FAM76B: variants seen among roughly 807,000 people sequenced by gnomAD.
FAM76B encodes protein FAM76B.
A neutral mutation model predicts 51.8 loss-of-function variants in FAM76B; 16 were observed. The observed-to-expected ratio is 0.31, with a 90% CI of 0.21 to 0.47. FAM76B has a LOEUF of 0.47. Ranked by LOEUF, FAM76B falls within the 20% of genes least tolerant of loss-of-function variation. The pLI is 1.00. For synonymous variants in FAM76B, 166 were observed against 129.5 expected (o/e 1.28, Z -1.91); for missense variants, 342 against 392.6 (o/e 0.87, Z 1.09).
At chr11:95,771,986 T>TAA (rs1859786887) in intron 9 of FAM76B, among the ~76,000 whole-genome samples, 2 of 151,136 alleles carry the variant, frequency 1.3e-5, no homozygotes, top group African/African-American at 4.8e-5. Flanking sequence ...CCCTTCATCT[T>TAA]AAAAACATGA....
chr11:95,780,678 C>A (rs775274733), intron 5 of FAM76B, among the ~76,000 whole-genome samples: 3 of 151,918 alleles, frequency 2.0e-5, no homozygotes, highest in Non-Finnish European at 4.4e-5. Context: ...GAGAGCATCT[C>A]CTATGAACCA....
intron 4 of FAM76B, among the ~76,000 whole-genome samples, chr11:95,784,948 A>G (rs937353608): frequency 2.0e-5 from 3 of 152,168 alleles, no homozygotes; most frequent in Non-Finnish European, 2.9e-5. Flanking sequence ...ATAAGGTTAT[A>G]TATTGATCAA....
Position 95,789,374 on chromosome 11 carries a change from C to T in FAM76B, c.87+18G>A. ...GGCCGAGGACACCCATCCCGCCCGCCTCCCGGAGCCCACGGACCTTGCAGA... is the reference window on the plus strand; with the variant it reads ...GGCCGAGGACACCCATCCCGCCCGCTTCCCGGAGCCCACGGACCTTGCAGA... On this transcript the variant is annotated intron_variant, in intron 1 of 9. Transcript: ENST00000358780. The T allele has an allele frequency of 6.3e-7, 1 of 1,581,286 alleles. No homozygotes were observed. The highest frequency in any genetic ancestry group is 8.6e-7 in the Non-Finnish European group (1 of 1,164,366).
At chr11:95,774,257 T>C (rs1859899677) in intron 9 of FAM76B, among the ~76,000 whole-genome samples, 1 of 151,378 alleles carries the variant, frequency 6.6e-6, no homozygotes, top group Non-Finnish European at 1.5e-5. Context: ...CTCTGTAAAA[T>C]GGGCATATCA....
intron 9 of FAM76B, among the ~76,000 whole-genome samples, chr11:95,772,426 T>A (rs1859808430): frequency 6.6e-6 from 1 of 151,260 alleles, no homozygotes; most frequent in Admixed American, 6.6e-5. Context: ...GTACAGTGAA[T>A]ATTTTCACAT....
At chr11:95,786,073 A>C (rs747669807) in intron 4 of FAM76B, 46 bp downstream of exon 4, 5 of 1,576,092 alleles carry the variant, frequency 3.2e-6, no homozygotes, top group Non-Finnish European at 4.3e-6. Context: ...CTTGTTTGGC[A>C]TTTTATTTAA....
intron 8 of FAM76B, among the ~76,000 whole-genome samples, chr11:95,778,346 A>G (rs1565288071): frequency 6.6e-6 from 1 of 151,462 alleles, no homozygotes; most frequent in Admixed American, 6.6e-5. Context: ...GCTTTTAGAC[A>G]TCTATTGCTA....
intron 5 of FAM76B, among the ~76,000 whole-genome samples, chr11:95,781,336 T>C (rs758268179): frequency 2.6e-5 from 4 of 152,156 alleles, no homozygotes; most frequent in Non-Finnish European, 5.9e-5. Context: ...CATTCTGATC[T>C]ATTGAACTTA....
At chr11:95,781,801 T>A (rs1178963739) in intron 5 of FAM76B, among the ~76,000 whole-genome samples, 1 of 152,128 alleles carries the variant, frequency 6.6e-6, no homozygotes, top group Non-Finnish European at 1.5e-5. Context: ...TGCATTGTAG[T>A]CTACCACTGC....
intron 8 of FAM76B, among the ~76,000 whole-genome samples, chr11:95,776,931 A>T (rs1432215724): frequency 2.2e-5 from 3 of 138,790 alleles, no homozygotes; most frequent in African/African-American, 5.9e-5. Flanking sequence ...TAGTCTTATT[A>T]AAAAAAAAAA....
chr11:95,771,595 A>G lies in FAM76B; in HGVS notation c.986T>C (p.Phe329Ser), dbSNP rs767580908. The G allele has an allele frequency of 4.4e-6, 7 of 1,607,146 alleles. No homozygotes were observed. The East Asian group carries it at 1.3e-4, about 31-fold the overall frequency. Residue 329 changes from phenylalanine (F) to serine (S), a missense_variant, in exon 10 of 10, where the codon TTT becomes TCT. Coordinates refer to ENST00000358780, the MANE Select transcript of FAM76B (RefSeq NM_144664.5). Reference protein sequence around the residue: ...QVAALSKGKKFDKSGSILTSP With the variant: ...QVAALSKGKKSDKSGSILTSP Reference sequence around the variant, plus strand: ...TGTTAGTATGCTTCCACTTTTGTCAAATTTTTTACCCTTTGATAATGCTGC... The same window carrying G: ...TGTTAGTATGCTTCCACTTTTGTCAGATTTTTTACCCTTTGATAATGCTGC...
intron 5 of FAM76B, among the ~76,000 whole-genome samples, chr11:95,780,881 T>G (rs1860231464): frequency 6.6e-6 from 1 of 152,014 alleles, no homozygotes; most frequent in Admixed American, 6.6e-5. Flanking sequence ...CATATATATA[T>G]ATACATGTTT....
At chr11:95,775,875 A>G in intron 9 of FAM76B, 47 bp downstream of exon 9, 2 of 1,298,566 alleles carry the variant, frequency 1.5e-6, no homozygotes, top group Non-Finnish European at 2.1e-6. Context: ...CTATTACTCA[A>G]GTTTAGCCCT....
chr11:95,779,717 G>C (rs374169994), intron 6 of FAM76B, 30 bp from the exon 7 acceptor site: 12 of 1,595,532 alleles, frequency 7.5e-6, no homozygotes, highest in African/African-American at 2.7e-5. Flanking sequence ...AGAATAGTTA[G>C]AGTAAAAAGG....
intron 9 of FAM76B, among the ~76,000 whole-genome samples, chr11:95,771,859 T>G (rs986695926): frequency 2.0e-5 from 3 of 151,094 alleles, no homozygotes; most frequent in African/African-American, 7.3e-5. Flanking sequence ...CAGCCCCCTT[T>G]GTATATGTCA....
rs1395319837 is a variant in FAM76B, at chr11:95,771,200, AAAAAC to A, written c.*356_*360del. The A allele has an allele frequency of 3.9e-5, 6 of 153,338 alleles. No homozygotes were observed. The highest frequency in any genetic ancestry group is 7.2e-5 in the African/African-American group (3 of 41,416). The allele number at this position is 153,338 out of a possible 1,614,324, so 9.5% of individuals were successfully genotyped here. A position where few individuals can be genotyped will look rare whatever the true frequency, so the allele number is the denominator to read the frequency against. On this transcript the variant is annotated 3_prime_UTR_variant, in exon 10 of 10. Coordinates refer to ENST00000358780, the MANE Select transcript of FAM76B (RefSeq NM_144664.5). ...GTCTGAAATTAGCATAGTGTAAAAC[AAAAAC>A]AAAACAAAAAAACCCTGCTGCTCTG...
At chr11:95,779,299 C>G in intron 7 of FAM76B, 2 of 543,722 alleles carry the variant, frequency 3.7e-6, no homozygotes, top group Non-Finnish European at 3.1e-6. Context: ...CTAAGCAGGT[C>G]AATTTAAAAT....
chr11:95,777,547 T>G (rs1039916989), intron 8 of FAM76B, among the ~76,000 whole-genome samples: 1 of 151,386 alleles, frequency 6.6e-6, no homozygotes, highest in African/African-American at 2.4e-5. Flanking sequence ...TCTAAAACTT[T>G]GTACACAGGA....
At position 95,789,400 on chromosome 11, in the gene FAM76B, G is replaced by A. The variant is rs770259837; in HGVS notation, c.79C>T (p.Leu27Phe). ...TCCCGGAGCCCACGGACCTTGCAGA[G>A]CTGCTGGCCCTGGGAGAGCTCCTCG... ...PFEELSQGQQ[L>F]CKECRIAHPI... Residue 27 changes from leucine (L) to phenylalanine (F), a missense_variant, in exon 1 of 10, where the codon CTC becomes TTC. Leu to Phe is a conservative substitution (Grantham distance 22, BLOSUM62 0). Transcript: ENST00000358780. 3 of 1,602,156 alleles carry A rather than the reference G, an allele frequency of 1.9e-6. No homozygotes were observed. Among genetic ancestry groups the A allele is most frequent in the African/African-American group, 1.3e-5 (1 of 74,720 alleles).
Sources: allele counts gnomAD v4.1 joint callset (sites outside exome capture counted in the v4.1 genomes callset), GRCh38; gene constraint gnomAD v4.1.1; transcripts MANE v1.5; gene names NCBI Gene and HGNC (gene_info 2026-07-23, HGNC 2026-07-21).